ZKSCAN7: variants seen among roughly 807,000 people sequenced by gnomAD.
The protein encoded by ZKSCAN7 is zinc finger protein with KRAB and SCAN domains 7.
ZKSCAN7 carries 38 observed loss-of-function variants against 65.3 expected under a neutral mutation model. The observed-to-expected ratio is 0.58, with a 90% CI of 0.45 to 0.76. The LOEUF is 0.76. Among genes scored for constraint, ZKSCAN7 ranks in the 30% least tolerant of loss-of-function variants. The probability of loss-of-function intolerance (pLI) is 0.00; values close to 1 mark genes in which losing one functional copy is unlikely to be tolerated. For missense variants in ZKSCAN7, 815 were observed against 913.3 expected (o/e 0.89, Z 1.39); for synonymous variants, 321 against 321.0 (o/e 1.00, Z 0.00).
At chr3:44,567,042 G>T (rs1300725153) in intron 3 of ZKSCAN7, among the ~76,000 whole-genome samples, 1 of 151,976 alleles carries the variant, frequency 6.6e-6, no homozygotes, top group Non-Finnish European at 1.5e-5. Context: ...CTTGAGCCTG[G>T]GAGGCAGAGG....
Position 44,571,695 on chromosome 3 carries a change from A to G in ZKSCAN7, c.*320A>G. On this transcript the variant is annotated 3_prime_UTR_variant, in exon 6 of 6. Coordinates refer to ENST00000426540, the MANE Select transcript of ZKSCAN7 (RefSeq NM_001288590.2). Reference sequence around the variant, plus strand: ...TCCATGCTTTTTAAAGACAGAGATAATATCTTCTCTATTCTATTCTACTTC... The same window carrying G: ...TCCATGCTTTTTAAAGACAGAGATAGTATCTTCTCTATTCTATTCTACTTC... 1 of 1,171,904 alleles carries G rather than the reference A, an allele frequency of 8.5e-7. No homozygotes were observed. Among genetic ancestry groups the G allele is most frequent in the South Asian group, 2.3e-5 (1 of 44,380 alleles). 72.6% of individuals were successfully genotyped at this position (1,171,904 alleles called of 1,614,324 possible).
At chr3:44,581,230 C>T (rs1402924092) in intron 5 of ZKSCAN7, among the ~76,000 whole-genome samples, 1 of 147,584 alleles carries the variant, frequency 6.8e-6, no homozygotes, top group Non-Finnish European at 1.5e-5. Flanking sequence ...CAGCTCCCGC[C>T]CGCACCGCCG....
At chr3:44,572,346 TTGTGTGTGTGTGTGTG>T (rs3080634), downstream of ZKSCAN7, among the ~76,000 whole-genome samples, 191 of 143,756 alleles carry the variant, frequency 1.3e-3, no homozygotes, top group East Asian at 5.7e-3. Flanking sequence ...CGAATGGATT[TTGTGTGTGTGTGTGTG>T]TGTGTGTGTG....
Position 44,571,449 on chromosome 3 carries a change from T to A in ZKSCAN7, c.*74T>A. ...TTTATAAGCAGGATGCTCATAGTGG[T>A]TTCCCGGAGCCAGTAGTCACGGTGG... On this transcript the variant is annotated 3_prime_UTR_variant, in exon 6 of 6. Transcript: ENST00000426540. 1 of 1,601,802 alleles carries A rather than the reference T, an allele frequency of 6.2e-7. No homozygotes were observed. The highest frequency in any genetic ancestry group is 8.5e-7 in the Non-Finnish European group (1 of 1,179,674).
intron 2 of ZKSCAN7, 39 bp from the exon 3 acceptor site, chr3:44,565,448 G>A (rs1465559783): frequency 6.5e-7 from 1 of 1,547,846 alleles, no homozygotes; most frequent in Non-Finnish European, 8.7e-7. Context: ...TACCTTCAAG[G>A]ATGCTCTTTT....
At chr3:44,560,944 T>G (rs978197782) in intron 2 of ZKSCAN7, among the ~76,000 whole-genome samples, 4 of 152,216 alleles carry the variant, frequency 2.6e-5, no homozygotes, top group African/African-American at 9.6e-5. Context: ...GAGGTGTGGT[T>G]GTTTCTGATT....
chr3:44,561,079 C>G (rs1411297420), intron 2 of ZKSCAN7, among the ~76,000 whole-genome samples: 1 of 152,154 alleles, frequency 6.6e-6, no homozygotes, highest in Non-Finnish European at 1.5e-5. Context: ...GAAGGGAAAC[C>G]TGTGATTCTG....
intron 5 of ZKSCAN7, among the ~76,000 whole-genome samples, chr3:44,581,651 A>G (rs1054848503): frequency 6.6e-6 from 1 of 152,242 alleles, no homozygotes; most frequent in Non-Finnish European, 1.5e-5. Context: ...CAGAACTTCC[A>G]ATTTAATATA....
downstream of ZKSCAN7, among the ~76,000 whole-genome samples, chr3:44,572,386 G>A (rs1160161807): frequency 4.3e-5 from 6 of 140,276 alleles, no homozygotes; most frequent in South Asian, 1.3e-3. Flanking sequence ...GTGTGTGTGT[G>A]TGTATGTATG....
intron 5 of ZKSCAN7, chr3:44,580,192 G>C: frequency 6.2e-7 from 1 of 1,611,046 alleles, no homozygotes; most frequent in Non-Finnish European, 8.5e-7. Flanking sequence ...GGCAGCTGCT[G>C]TTCTTCGGCC....
intron 2 of ZKSCAN7, 142 bp from the exon 3 acceptor site, chr3:44,565,345 G>A: frequency 1.4e-6 from 1 of 730,884 alleles, no homozygotes; most frequent in East Asian, 2.9e-5. Context: ...TTTTCCCCCA[G>A]TAGACTGTAG....
chr3:44,564,755 A>C (rs28445680), intron 2 of ZKSCAN7, among the ~76,000 whole-genome samples: 1 of 151,962 alleles, frequency 6.6e-6, no homozygotes, highest in Non-Finnish European at 1.5e-5. Flanking sequence ...TTTTACACTT[A>C]TCTTTTTTTA....
chr3:44,581,006 GT>G (rs1334106040), intron 5 of ZKSCAN7: 1 of 1,604,844 alleles, frequency 6.2e-7, no homozygotes, highest in Non-Finnish European at 8.5e-7. Flanking sequence ...TCCTGCACGG[GT>G]TCTCCTTGGC....
intron 2 of ZKSCAN7, among the ~76,000 whole-genome samples, chr3:44,562,193 A>G (rs1050652631): frequency 7.9e-5 from 12 of 152,210 alleles, no homozygotes; most frequent in African/African-American, 2.9e-4. Context: ...CAGGCCCAAC[A>G]ACATGTGAAA....
chr3:44,580,341 G>A, intron 5 of ZKSCAN7: 11 of 1,611,970 alleles, frequency 6.8e-6, no homozygotes, highest in Non-Finnish European at 9.3e-6. Flanking sequence ...GGAGCTGGCA[G>A]CAGGAGGCTG....
intron 5 of ZKSCAN7, chr3:44,578,428 C>T: frequency 6.2e-7 from 1 of 1,614,170 alleles, no homozygotes; most frequent in Non-Finnish European, 8.5e-7. Context: ...TCTCTGCAGC[C>T]AGGCGGTTGT....
intron 1 of ZKSCAN7, among the ~76,000 whole-genome samples, chr3:44,556,110 C>G (rs1044889436): frequency 1.3e-5 from 2 of 152,156 alleles, no homozygotes; most frequent in African/African-American, 4.8e-5. Flanking sequence ...CTAGCGTGAT[C>G]AGGAAGGCTT....
rs753404358 is a variant in ZKSCAN7 at position 44,570,542 on chromosome 3, C to CA, written c.1433dup (p.Ser479GlufsTer6). On this transcript the variant is annotated frameshift_variant, in exon 6 of 6. Transcript: ENST00000426540. LOFTEE classifies it high-confidence loss of function. ...TAATGAATGTGCAAAAGCCTTTACT[C>CA]AGAGTTCCCGACTCACTGACCACCA... 1.4e-5 allele frequency: 23 copies of CA among 1,612,412 alleles called. No homozygotes were observed. Among genetic ancestry groups the CA allele is most frequent in the Non-Finnish European group, 2.0e-5 (23 of 1,178,628 alleles).
At chr3:44,555,573 T>A (rs987903398) in intron 1 of ZKSCAN7, 92 bp downstream of exon 1, 6 of 152,238 alleles carry the variant, frequency 3.9e-5, no homozygotes, top group Non-Finnish European at 8.8e-5. Context: ...ACTGTCATAT[T>A]TGGGTCAGAC....
Sources: allele counts gnomAD v4.1 joint callset (sites outside exome capture counted in the v4.1 genomes callset), GRCh38; gene constraint gnomAD v4.1.1; transcripts MANE v1.5; gene names NCBI Gene and HGNC (gene_info 2026-07-23, HGNC 2026-07-21).